DLG2: variants seen among roughly 807,000 people sequenced by gnomAD.
The protein encoded by DLG2 is discs large MAGUK scaffold protein 2.
In DLG2, 45 loss-of-function variants were observed where a neutral mutation model predicts 132.5. The ratio of observed to expected loss-of-function variants is 0.34; its 90% CI spans 0.27 to 0.44. The LOEUF (loss-of-function observed/expected upper bound fraction) is 0.44. Ranked by LOEUF, DLG2 falls within the 20% of genes least tolerant of loss-of-function variation. DLG2 has a pLI of 1.00. For missense variants in DLG2, 1,045 were observed against 1,196.9 expected, an observed-to-expected ratio of 0.87 and a Z score of 1.87; for synonymous variants, 424 against 419.6, an observed-to-expected ratio of 1.01 and a Z score of -0.13.
At chr11:83,498,051 TA>T (rs924341825) in intron 21 of DLG2, among the ~76,000 whole-genome samples, 5 of 152,074 alleles carry the variant, frequency 3.3e-5, no homozygotes, top group Non-Finnish European at 7.4e-5. Context: ...TTCTTCATTT[TA>T]AAAAAATGTA....
chr11:83,960,447 TTTCTC>T (rs1330182846), intron 14 of DLG2, among the ~76,000 whole-genome samples: 3 of 152,078 alleles, frequency 2.0e-5, no homozygotes, highest in Non-Finnish European at 4.4e-5. Flanking sequence ...GTTGCCAATT[TTTCTC>T]TTCTAAGTAA....
chr11:85,504,971 G>A (rs958931615), intron 3 of DLG2, among the ~76,000 whole-genome samples: 2 of 152,118 alleles, frequency 1.3e-5, no homozygotes, highest in Non-Finnish European at 2.9e-5. Context: ...TCTCTTTGAA[G>A]CAATTGTGAA....
Position 85,559,859 on chromosome 11 carries a change from G to T in DLG2, c.40+38798C>A, listed in dbSNP as rs187932737. Among the ~76,000 whole-genome samples the T allele has an allele frequency of 5.5e-3, 817 of 149,790 alleles. 8 individuals are homozygous for T. The highest frequency in any genetic ancestry group is 0.02 in the African/African-American group (799 of 40,456). ...AGATAGATAGATAGATAGATAGATA[G>T]AGATAAATATCCCTGGTGTAAAGTG... On this transcript the variant is annotated intron_variant, in intron 3 of 27. Transcript: ENST00000376104.
chr11:83,467,954 A>T (rs2091442672), intron 25 of DLG2, among the ~76,000 whole-genome samples: 1 of 151,568 alleles, frequency 6.6e-6, no homozygotes, highest in Non-Finnish European at 1.5e-5. Flanking sequence ...CTATTACATT[A>T]TAGCACACCT....
At chr11:83,982,839 T>G (rs1481880814) in intron 11 of DLG2, among the ~76,000 whole-genome samples, 3 of 152,156 alleles carry the variant, frequency 2.0e-5, no homozygotes, top group Non-Finnish European at 4.4e-5. Context: ...TTTTATTTTT[T>G]ACTGTACTTT....
chr11:84,106,976 TA>T lies in DLG2; in HGVS notation c.625-7930del, dbSNP rs1446682052. ...AGAAAGAGAGAGAGAGTTTTAGCCTTAGGGTGTGTGTGTGTGTGTGTGTGTG... is the reference window on the plus strand; with the variant it reads ...AGAAAGAGAGAGAGAGTTTTAGCCTTGGGTGTGTGTGTGTGTGTGTGTGTG... On this transcript the variant is annotated intron_variant, in intron 9 of 27. Coordinates refer to ENST00000376104, the MANE Select transcript of DLG2 (RefSeq NM_001142699.3). Among the ~76,000 whole-genome samples the T allele has an allele frequency of 2.9e-4, 15 of 52,610 alleles. No homozygotes were observed. In the East Asian group the frequency reaches 4.4e-3, roughly 16 times the overall value. 34.5% of individuals were successfully genotyped at this position (52,610 alleles called of 152,430 possible). A position where few individuals can be genotyped will look rare whatever the true frequency, so the allele number is the denominator to read the frequency against.
intron 7 of DLG2, among the ~76,000 whole-genome samples, chr11:84,533,737 G>T (rs1245905642): frequency 1.3e-5 from 2 of 151,848 alleles, no homozygotes; most frequent in East Asian, 3.9e-4. Context: ...GGTGATGAAA[G>T]AAATTTTTGT....
chr11:84,030,842 G>T (rs187028857), intron 11 of DLG2, among the ~76,000 whole-genome samples: 34 of 152,256 alleles, frequency 2.2e-4, no homozygotes, highest in Admixed American at 1.1e-3. Context: ...AATTAGATAT[G>T]AGTTGAGAGG....
intron 6 of DLG2, among the ~76,000 whole-genome samples, chr11:85,043,631 A>G (rs1387887847): frequency 6.6e-6 from 1 of 151,932 alleles, no homozygotes; most frequent in Middle Eastern, 3.2e-3. Context: ...TTAAAAAGCA[A>G]ATTTACAGAC....
chr11:84,025,309 C>T (rs1233156144), intron 11 of DLG2, among the ~76,000 whole-genome samples: 4 of 152,032 alleles, frequency 2.6e-5, no homozygotes, highest in Non-Finnish European at 4.4e-5. Context: ...CAGGGAAACT[C>T]CCCCTTGTAA....
At chr11:84,973,682 G>A (rs2054439646) in intron 6 of DLG2, among the ~76,000 whole-genome samples, 1 of 152,136 alleles carries the variant, frequency 6.6e-6, no homozygotes, top group African/African-American at 2.4e-5. Flanking sequence ...AATGGGATCA[G>A]AAAACTTTTC....
At chr11:85,017,793 C>T (rs2059694518) in intron 6 of DLG2, among the ~76,000 whole-genome samples, 2 of 152,100 alleles carry the variant, frequency 1.3e-5, no homozygotes, top group Non-Finnish European at 2.9e-5. Context: ...CCTTGAAGAA[C>T]ACATTTGCCC....
chr11:84,215,351 T>C (rs552570246), intron 8 of DLG2, among the ~76,000 whole-genome samples: 1 of 152,180 alleles, frequency 6.6e-6, no homozygotes, highest in East Asian at 1.9e-4. Context: ...AGCGTGTATC[T>C]GTTTCTGGAT....
chr11:83,747,422 G>C (rs1400193110), intron 18 of DLG2, among the ~76,000 whole-genome samples: 1 of 151,260 alleles, frequency 6.6e-6, no homozygotes, highest in African/African-American at 2.4e-5. Flanking sequence ...TTAGGCTGGA[G>C]TGCAGTGGTA....
At chr11:83,774,563 CT>C (rs977153529) in intron 18 of DLG2, among the ~76,000 whole-genome samples, 8 of 149,648 alleles carry the variant, frequency 5.3e-5, no homozygotes, top group South Asian at 4.3e-4. Flanking sequence ...AGTAGGAATT[CT>C]TTTTTTTTTC....
intron 6 of DLG2, among the ~76,000 whole-genome samples, chr11:84,571,441 G>A (rs1315134929): frequency 6.6e-6 from 1 of 151,680 alleles, no homozygotes; most frequent in Non-Finnish European, 1.5e-5. Context: ...ATTTCACAGT[G>A]CAGCATCCCA....
intron 18 of DLG2, among the ~76,000 whole-genome samples, chr11:83,654,176 T>C (rs1038393020): frequency 2.6e-5 from 4 of 152,162 alleles, no homozygotes; most frequent in Non-Finnish European, 5.9e-5. Context: ...TCTGGTTCTT[T>C]GCCCCCATAC....
chr11:85,389,221 TCTCA>T (rs2086599128), intron 3 of DLG2, among the ~76,000 whole-genome samples: 4 of 151,884 alleles, frequency 2.6e-5, no homozygotes, highest in Admixed American at 2.0e-4. Context: ...CACTAAAAAG[TCTCA>T]GCAATAGAAT....
chr11:83,666,340 A>G (rs2075562791), intron 18 of DLG2, among the ~76,000 whole-genome samples: 1 of 152,122 alleles, frequency 6.6e-6, no homozygotes, highest in Admixed American at 6.5e-5. Context: ...ACTGGGCCGC[A>G]CAGCAGGAGG....
Sources: allele counts gnomAD v4.1 joint callset (sites outside exome capture counted in the v4.1 genomes callset), GRCh38; gene constraint gnomAD v4.1.1; transcripts MANE v1.5; gene names NCBI Gene and HGNC (gene_info 2026-07-23, HGNC 2026-07-21).